USP12: variants seen among roughly 807,000 people sequenced by gnomAD.
USP12 encodes the protein ubiquitin carboxyl-terminal hydrolase 12.
A neutral mutation model predicts 45.5 loss-of-function variants in USP12; 19 were observed. The observed-to-expected ratio is 0.42, with a 90% CI of 0.29 to 0.61. The LOEUF (loss-of-function observed/expected upper bound fraction) is 0.61. Among genes scored for constraint, USP12 ranks in the 20% least tolerant of loss-of-function variants. The pLI is 0.22. For synonymous variants in USP12, 149 were observed against 148.8 expected (o/e 1.00, Z -0.01); for missense variants, 242 against 447.7 (o/e 0.54, Z 4.15).
intron 6 of USP12, 128 bp from the exon 7 acceptor site, chr13:27,075,516 T>C (rs2137754719): frequency 1.3e-6 from 1 of 784,748 alleles, no homozygotes; most frequent in East Asian, 2.7e-5. Context: ...CAATGCCCAG[T>C]TTTGCACATT....
intron 6 of USP12, among the ~76,000 whole-genome samples, chr13:27,086,187 AAAAAAAAAAAATATATATAT>A (rs1488409861): frequency 4.1e-5 from 3 of 72,882 alleles, no homozygotes; most frequent in South Asian, 3.8e-4. Context: ...AAAAAAAAAA[AAAAAAAAAAAATATATATAT>A]ATATATATAT....
At chr13:27,072,293 C>T (rs1873280999) in intron 7 of USP12, among the ~76,000 whole-genome samples, 1 of 151,914 alleles carries the variant, frequency 6.6e-6, no homozygotes, top group Non-Finnish European at 1.5e-5. Context: ...GGTTGCAGAA[C>T]ACAGGGTGGA....
intron 1 of USP12, among the ~76,000 whole-genome samples, chr13:27,142,401 T>C (rs1877105283): frequency 6.6e-6 from 1 of 152,226 alleles, no homozygotes; most frequent in South Asian, 2.1e-4. Context: ...ATACTGGGCA[T>C]TACTGAGATA....
intron 1 of USP12, among the ~76,000 whole-genome samples, chr13:27,141,386 C>T (rs1877046489): frequency 6.6e-6 from 1 of 152,150 alleles, no homozygotes; most frequent in Admixed American, 6.5e-5. Flanking sequence ...ACCATGACAC[C>T]TCTGTAGTAA....
intron 1 of USP12, among the ~76,000 whole-genome samples, chr13:27,130,037 TTGA>T (rs986203739): frequency 3.3e-5 from 5 of 152,150 alleles, no homozygotes; most frequent in Admixed American, 6.5e-5. Flanking sequence ...AGGGCAGTAG[TTGA>T]TGAAGGGAGA....
rs1873108846 is a variant in USP12 at position 27,068,870 on chromosome 13, T to C, written c.*413A>G. On this transcript the variant is annotated 3_prime_UTR_variant, in exon 9 of 9. Coordinates refer to ENST00000282344, the MANE Select transcript of USP12 (RefSeq NM_182488.4). The stretch of plus-strand genomic sequence containing the variant: ...CCACTGAATATGCTTCTATACATAC[T>C]GAACCAGGCAAATTTATGCAGTGTG... The C allele has an allele frequency of 5.0e-6, 1 of 201,122 alleles. No individual in the cohort carries two copies. The highest frequency in any genetic ancestry group is 1.0e-5 in the Non-Finnish European group (1 of 100,262). 12.5% of individuals were successfully genotyped at this position (201,122 alleles called of 1,614,324 possible). A position where few individuals can be genotyped will look rare whatever the true frequency, so the allele number is the denominator to read the frequency against.
intron 6 of USP12, among the ~76,000 whole-genome samples, chr13:27,085,173 TTTCTTTC>T (rs1873953648): frequency 6.6e-6 from 1 of 152,028 alleles, no homozygotes; most frequent in South Asian, 2.1e-4. Flanking sequence ...TCTTTCTTTC[TTTCTTTC>T]TTTTTTTTTT....
intron 6 of USP12, among the ~76,000 whole-genome samples, chr13:27,088,499 C>G (rs1156688501): frequency 6.6e-6 from 1 of 151,162 alleles, no homozygotes; most frequent in Non-Finnish European, 1.5e-5. Context: ...TGGACATGTT[C>G]CCACCATTTG....
At position 27,094,082 on chromosome 13, in the gene USP12, C is replaced by T. The variant is rs190616584; in HGVS notation, c.573+1519G>A. Among the ~76,000 whole-genome samples the T allele has an allele frequency of 2.9e-3, 444 of 151,410 alleles. 3 individuals carry two copies. The highest frequency in any genetic ancestry group is 4.8e-3 in the Non-Finnish European group (325 of 67,928). ...ACAACTGTCACAGTAAAGATGAGAT[C>T]AGGCAAAATCATAAATGCATGCTAA... On this transcript the variant is annotated intron_variant, in intron 4 of 8. Coordinates refer to ENST00000282344, the MANE Select transcript of USP12 (RefSeq NM_182488.4).
intron 3 of USP12, among the ~76,000 whole-genome samples, chr13:27,105,434 T>C (rs1479718891): frequency 6.6e-6 from 1 of 152,196 alleles, no homozygotes; most frequent in Non-Finnish European, 1.5e-5. Context: ...AAACCCTTCA[T>C]TCTTGACAGA....
At chr13:27,142,687 G>C (rs1272924549) in intron 1 of USP12, among the ~76,000 whole-genome samples, 1 of 152,052 alleles carries the variant, frequency 6.6e-6, no homozygotes, top group African/African-American at 2.4e-5. Context: ...CAGTTTGGAG[G>C]GGCTTCCACT....
chr13:27,130,096 A>G (rs1876423423), intron 1 of USP12, among the ~76,000 whole-genome samples: 1 of 152,220 alleles, frequency 6.6e-6, no homozygotes, highest in South Asian at 2.1e-4. Context: ...ACTCCTCAGC[A>G]TCCCCAGAGG....
intron 1 of USP12, among the ~76,000 whole-genome samples, chr13:27,119,431 T>C (rs1875884014): frequency 6.6e-6 from 1 of 152,182 alleles, no homozygotes; most frequent in South Asian, 2.1e-4. Context: ...TAGATCATCA[T>C]CGTTTAACCC....
At chr13:27,116,714 T>C (rs1875760660) in intron 1 of USP12, 118 bp from the exon 2 acceptor site, 1 of 822,004 alleles carries the variant, frequency 1.2e-6, no homozygotes, top group Non-Finnish European at 1.9e-6. Flanking sequence ...GGAGCTGCCC[T>C]ACACAGGTGC....
intron 3 of USP12, 51 bp downstream of exon 3, chr13:27,105,680 C>T (rs1245095186): frequency 1.3e-6 from 2 of 1,539,092 alleles, no homozygotes; most frequent in Non-Finnish European, 1.8e-6. Context: ...TTATGGCACA[C>T]TATATTTAAC....
chr13:27,103,745 C>CAA (rs1225480806), intron 3 of USP12, among the ~76,000 whole-genome samples: 89 of 57,674 alleles, frequency 1.5e-3, no homozygotes, highest in Non-Finnish European at 1.8e-3. Context: ...CCATCTCTAC[C>CAA]AAAAAAAAAA....
intron 4 of USP12, among the ~76,000 whole-genome samples, chr13:27,094,192 A>AAG (rs1331502125): frequency 6.6e-6 from 1 of 151,340 alleles, no homozygotes; most frequent in East Asian, 1.9e-4. Flanking sequence ...TTAAAAAAAA[A>AAG]AAAAAAAGTC....
At chr13:27,131,122 A>G (rs558679010) in intron 1 of USP12, among the ~76,000 whole-genome samples, 2 of 152,398 alleles carry the variant, frequency 1.3e-5, no homozygotes, top group South Asian at 4.1e-4. Context: ...GTTAAACACA[A>G]TTTGAATACA....
In USP12 at chr13:27,108,813, C is replaced by A. The variant is rs531654372; in HGVS notation, c.130-2869G>T. On this transcript the variant is annotated intron_variant, in intron 2 of 8. Transcript: ENST00000282344. ...CTCTAACTGAAATTACAAAAATTAG[C>A]CGGGTGTGGTGGCACGCACCTATAA... 3.3e-5 allele frequency among the ~76,000 whole-genome samples: 5 copies of A among 152,212 alleles called. No individual in the cohort carries two copies. In the South Asian group the frequency reaches 1.0e-3, roughly 32 times the overall value.
Sources: gnomAD v4.1 joint callset for allele counts (sites outside exome capture counted in the v4.1 genomes callset) on GRCh38, gnomAD v4.1.1 for gene constraint, MANE v1.5 for transcripts, NCBI Gene and HGNC (gene_info 2026-07-23, HGNC 2026-07-21) for gene names.